The following VIT variants were observed in gnomAD, a reference collection of about 807,000 sequenced individuals.
The protein encoded by VIT is vitrin.
Under a neutral mutation model 78.0 loss-of-function variants are expected in VIT, and 99 were observed. That is an observed-to-expected ratio of 1.27 (90% CI 1.08 to 1.50). VIT has a LOEUF of 1.50. Ranked by LOEUF, VIT falls within the 40% of genes most tolerant of loss-of-function variation. VIT has a pLI of 0.00. For missense variants in VIT, 1,126 were observed against 875.3 expected (o/e 1.29, Z -3.61); for synonymous variants, 374 against 334.3 (o/e 1.12, Z -1.29).
intron 14 of VIT, among the ~76,000 whole-genome samples, chr2:36,807,378 G>C (rs1666808436): frequency 6.6e-6 from 1 of 152,008 alleles, no homozygotes; most frequent in Non-Finnish European, 1.5e-5. Flanking sequence ...TCCACACCCA[G>C]CACCGCCTCT....
chr2:36,727,344 A>G (rs1225069945), intron 2 of VIT, among the ~76,000 whole-genome samples: 1 of 152,180 alleles, frequency 6.6e-6, no homozygotes, highest in Non-Finnish European at 1.5e-5. Context: ...GTGCACGCAC[A>G]TAGATGCACA....
At chr2:36,733,341 T>TC (rs1667317860) in intron 3 of VIT, among the ~76,000 whole-genome samples, 1 of 151,276 alleles carries the variant, frequency 6.6e-6, no homozygotes, top group African/African-American at 2.5e-5. Context: ...TGTCTCTCTC[T>TC]CTCCCCCCCT....
rs1666932921 is a variant in VIT at position 36,808,773 on chromosome 2, T to A, written c.1691T>A (p.Phe564Tyr). 2 of 1,613,864 alleles carry A rather than the reference T, an allele frequency of 1.2e-6. No homozygotes were observed. Among genetic ancestry groups the A allele is most frequent in the Middle Eastern group, 1.7e-4 (1 of 6,058 alleles). ...YTYEQRLEFGFDKYSSKPDIL... is the reference protein window; with the variant it reads ...YTYEQRLEFGYDKYSSKPDIL... Reference sequence around the variant, plus strand: ...TACGAACAGCGGCTGGAGTTTGGGTTCGACAAGTACAGCAGCAAGCCTGAC... The same window carrying A: ...TACGAACAGCGGCTGGAGTTTGGGTACGACAAGTACAGCAGCAAGCCTGAC... The change falls in exon 15 of 16, where the codon TTC becomes TAC. Residue 564 changes from phenylalanine to tyrosine, a missense_variant. By Grantham distance (22) the Phe-to-Tyr change is conservative. Coordinates refer to ENST00000379242, the MANE Select transcript of VIT (RefSeq NM_053276.4).
chr2:36,739,583 G>A (rs1161181290), intron 3 of VIT, among the ~76,000 whole-genome samples: 1 of 152,144 alleles, frequency 6.6e-6, no homozygotes, highest in African/African-American at 2.4e-5. Flanking sequence ...CCTACAGTTC[G>A]ATCTGGTTTG....
At chr2:36,757,258 T>C (rs1668821553) in intron 5 of VIT, among the ~76,000 whole-genome samples, 1 of 152,216 alleles carries the variant, frequency 6.6e-6, no homozygotes, top group South Asian at 2.1e-4. Context: ...CTAATTTTCA[T>C]ATGCCCCTGA....
chr2:36,743,120 G>A lies in VIT; in HGVS notation c.139G>A (p.Asp47Asn), dbSNP rs762367566. 9 of 1,614,006 alleles carry A rather than the reference G, an allele frequency of 5.6e-6. No individual in the cohort carries two copies. Among genetic ancestry groups the A allele is most frequent in the Middle Eastern group, 1.6e-4 (1 of 6,062 alleles). The change falls in exon 4 of 16, where the codon GAT becomes AAT. Residue 47 changes from aspartate to asparagine, a missense_variant. Physicochemically the swap from Asp to Asn is conservative, Grantham distance 23. Coordinates refer to ENST00000379242, the MANE Select transcript of VIT (RefSeq NM_053276.4). The stretch of plus-strand genomic sequence containing the variant: ...CCCAGCTGTGCCTCAGATCAACTGC[G>A]ATGTCAAAGCCGGAAAGATCATCGA... ...PKFTVPQINC[D>N]VKAGKIIDPE...
intron 14 of VIT, among the ~76,000 whole-genome samples, chr2:36,807,866 G>T (rs1666843991): frequency 6.6e-6 from 1 of 152,174 alleles, no homozygotes. Context: ...TCCCCTCATA[G>T]CTTAGTTTGT....
chr2:36,767,155 T>C lies in VIT; in HGVS notation c.549T>C (p.Thr183=). ...PIPGTTAQPV[T]LMQLLAVTVA... is the part of the protein sequence containing the mutation. ...CAGGGACAACTGCACAGCCGGTCACTCTGATGCAGCTTCTGGCTGTCACTG... is the reference window on the plus strand; with the variant it reads ...CAGGGACAACTGCACAGCCGGTCACCCTGATGCAGCTTCTGGCTGTCACTG... The change falls in exon 7 of 16, where the codon ACT becomes ACC. Residue 183 remains threonine, a synonymous_variant. Transcript: ENST00000379242. 1.2e-6 allele frequency: 2 copies of C among 1,610,730 alleles called. No homozygotes were observed. Among genetic ancestry groups the C allele is most frequent in the Non-Finnish European group, 1.7e-6 (2 of 1,178,738 alleles).
At chr2:36,775,136 G>A (rs1669976835) in intron 9 of VIT, 69 bp downstream of exon 9, 2 of 1,572,898 alleles carry the variant, frequency 1.3e-6, no homozygotes, top group African/African-American at 1.3e-5. Flanking sequence ...CAAACATGAG[G>A]ACCTCCCCAC....
At chr2:36,812,274 C>T (rs1018645661) in intron 15 of VIT, among the ~76,000 whole-genome samples, 4 of 152,124 alleles carry the variant, frequency 2.6e-5, no homozygotes, top group Admixed American at 2.6e-4. Flanking sequence ...CCCAGGCACC[C>T]AGAAGATGCT....
chr2:36,754,971 G>C lies in VIT; in HGVS notation c.326G>C (p.Gly109Ala). The change falls in exon 5 of 16, where the codon GGA becomes GCA. Residue 109 changes from glycine (G) to alanine (A), a missense_variant. Physicochemically the swap from Gly to Ala is moderately conservative, Grantham distance 60. Transcript: ENST00000379242. ...GGKILVRKVA[G>A]QSGYKGSYSN... The stretch of plus-strand genomic sequence containing the variant: ...AAAATACTTGTTCGGAAGGTTGCTG[G>C]ACAGTCTGGTTACAAAGGGAGTTAT... 1 of 1,614,132 alleles carries C rather than the reference G, an allele frequency of 6.2e-7. No homozygotes were observed. The highest frequency in any genetic ancestry group is 8.5e-7 in the Non-Finnish European group (1 of 1,180,008).
At position 36,768,996 on chromosome 2, in the gene VIT, A is replaced by G. The variant is rs138419633; in HGVS notation, c.679+1711A>G. Among the ~76,000 whole-genome samples, 1,521 of 152,286 alleles carry G rather than the reference A, an allele frequency of 1.0e-2. 35 individuals are homozygous for G. The highest frequency in any genetic ancestry group is 0.034 in the African/African-American group (1,418 of 41,556). On this transcript the variant is annotated intron_variant, in intron 7 of 15. Transcript: ENST00000379242. ...GCAAAAAGAATTTTTGGTGTTCTGA[A>G]ATACATCAAACACTCCTCCACCATT...
chr2:36,793,208 G>A (rs1389048184), intron 12 of VIT, among the ~76,000 whole-genome samples: 5 of 152,148 alleles, frequency 3.3e-5, no homozygotes, highest in African/African-American at 4.8e-5. Flanking sequence ...CATATTGCAC[G>A]TGATTCACAT....
intron 8 of VIT, chr2:36,774,651 G>T: frequency 4.1e-6 from 4 of 985,414 alleles, no homozygotes; most frequent in Non-Finnish European, 3.6e-6. Context: ...AGGGCGAGCA[G>T]CTTCTATGAG....
intron 15 of VIT, among the ~76,000 whole-genome samples, chr2:36,809,566 T>C (rs1666998688): frequency 6.6e-6 from 1 of 152,054 alleles, no homozygotes; most frequent in South Asian, 2.1e-4. Flanking sequence ...TACAGGCATG[T>C]GCCACCACAC....
rs747923539 is a variant in VIT at position 36,808,845 on chromosome 2, G to C, written c.1763G>C (p.Ser588Thr). 6 of 1,614,074 alleles carry C rather than the reference G, an allele frequency of 3.7e-6. No individual in the cohort carries two copies. The highest frequency in any genetic ancestry group is 2.2e-5 in the South Asian group (2 of 91,086). The change falls in exon 15 of 16, where the codon AGC becomes ACC. Residue 588 changes from serine (S) to threonine (T), a missense_variant. Ser to Thr is a moderately conservative substitution (Grantham distance 58, BLOSUM62 1). Coordinates refer to ENST00000379242, the MANE Select transcript of VIT (RefSeq NM_053276.4). ...GTGGGCTACTGGAGTGGTGGCACCA[G>C]CACGGGGGCTGCCATCAACTTCGCC... ...KRVGYWSGGT[S>T]TGAAINFALE...
At chr2:36,702,644 G>A (rs1861392) in intron 1 of VIT, among the ~76,000 whole-genome samples, 124,508 of 151,752 alleles carry the variant, frequency 0.82, 51,599 homozygotes, top group Middle Eastern at 0.93. Flanking sequence ...TAGTCTCTTC[G>A]TGTCCAGAGT....
intron 4 of VIT, among the ~76,000 whole-genome samples, chr2:36,754,494 T>C (rs935694392): frequency 4.0e-5 from 6 of 151,740 alleles, no homozygotes; most frequent in African/African-American, 1.5e-4. Context: ...CTTTCCTCCC[T>C]GACCCAAAAA....
At chr2:36,772,489 C>A (rs1669823911) in intron 7 of VIT, among the ~76,000 whole-genome samples, 1 of 152,158 alleles carries the variant, frequency 6.6e-6, no homozygotes, top group South Asian at 2.1e-4. Flanking sequence ...GAGCCGAGAT[C>A]ATGCCATTGC....
Sources: allele counts gnomAD v4.1 joint callset (sites outside exome capture counted in the v4.1 genomes callset), GRCh38; gene constraint gnomAD v4.1.1; transcripts MANE v1.5; gene names NCBI Gene and HGNC (gene_info 2026-07-23, HGNC 2026-07-21).